The following TBCK variants were observed in gnomAD, a reference collection of about 807,000 sequenced individuals.
TBCK encodes the protein TBC domain-containing protein kinase-like protein.
In TBCK, 99 loss-of-function variants were observed where a neutral mutation model predicts 113.4. That is an observed-to-expected ratio of 0.87 (90% confidence interval 0.74 to 1.03). The LOEUF is 1.03. Ranked by LOEUF, TBCK falls within the 50% of genes least tolerant of loss-of-function variation. TBCK has a pLI of 0.00. For synonymous variants in TBCK, 369 were observed against 370.8 expected, an observed-to-expected ratio of 1.00 and a Z score of 0.05; for missense variants, 1,045 against 1,061.3, an observed-to-expected ratio of 0.98 and a Z score of 0.21.
intron 25 of TBCK, among the ~76,000 whole-genome samples, chr4:106,050,866 T>C (rs764473358): frequency 7.4e-4 from 113 of 152,112 alleles, no homozygotes; most frequent in Admixed American, 1.5e-3. Flanking sequence ...AAAGCTTTTG[T>C]ATTTTCACAG....
intron 1 of TBCK, among the ~76,000 whole-genome samples, chr4:106,315,188 C>G (rs2125912324): frequency 6.6e-6 from 1 of 152,204 alleles, no homozygotes; most frequent in South Asian, 2.1e-4. Flanking sequence ...GCAGTGCAAG[C>G]AGTTGGGCTT....
At chr4:106,235,229 G>T in intron 15 of TBCK, 40 bp downstream of exon 15, 3 of 1,370,282 alleles carry the variant, frequency 2.2e-6, no homozygotes, top group Admixed American at 2.2e-5. Context: ...TCCTTTCTTT[G>T]CATAATTAAT....
At chr4:106,240,337 C>T (rs1022226705) in intron 12 of TBCK, among the ~76,000 whole-genome samples, 19 of 151,614 alleles carry the variant, frequency 1.3e-4, no homozygotes, top group African/African-American at 4.1e-4. Context: ...GCGTTATAGA[C>T]GCTCAGCAAA....
At chr4:106,097,042 A>G (rs1466767078) in intron 24 of TBCK, among the ~76,000 whole-genome samples, 3 of 152,206 alleles carry the variant, frequency 2.0e-5, no homozygotes, top group African/African-American at 7.2e-5. Flanking sequence ...TAGGCTCGAT[A>G]TCACCTATTT....
chr4:106,227,927 C>T (rs1457981583), intron 19 of TBCK, among the ~76,000 whole-genome samples: 1 of 151,884 alleles, frequency 6.6e-6, no homozygotes, highest in Admixed American at 6.6e-5. Context: ...AATAATAGCA[C>T]TTATTGAATA....
intron 2 of TBCK, among the ~76,000 whole-genome samples, chr4:106,306,918 A>T (rs1439015779): frequency 6.6e-6 from 1 of 152,180 alleles, no homozygotes; most frequent in East Asian, 1.9e-4. Flanking sequence ...AATAATGTAT[A>T]CTTTAACATG....
chr4:106,095,944 A>G (rs1259102808), intron 24 of TBCK, among the ~76,000 whole-genome samples: 1 of 152,186 alleles, frequency 6.6e-6, no homozygotes, highest in East Asian at 1.9e-4. Context: ...AGGTTCTATA[A>G]AGAGTGGAGA....
chr4:106,189,387 A>C (rs1448607772), intron 22 of TBCK, among the ~76,000 whole-genome samples: 1 of 151,612 alleles, frequency 6.6e-6, no homozygotes, highest in Admixed American at 6.6e-5. Context: ...GACATGCATG[A>C]ATATCATGTA....
intron 22 of TBCK, among the ~76,000 whole-genome samples, chr4:106,172,108 A>G (rs564883203): frequency 6.6e-6 from 1 of 152,262 alleles, no homozygotes; most frequent in Admixed American, 6.5e-5. Context: ...CTAGGGTTAC[A>G]GGGATCATCC....
chr4:106,119,023 T>C (rs1201339070), intron 23 of TBCK, among the ~76,000 whole-genome samples: 1 of 152,214 alleles, frequency 6.6e-6, no homozygotes, highest in Non-Finnish European at 1.5e-5. Flanking sequence ...CTTTGCTTTA[T>C]GAAGAAAATA....
chr4:106,091,842 T>C (rs1246175495), intron 25 of TBCK, among the ~76,000 whole-genome samples: 1 of 152,228 alleles, frequency 6.6e-6, no homozygotes, highest in Non-Finnish European at 1.5e-5. Flanking sequence ...TTCTCTTATC[T>C]GGCCCCAACC....
At chr4:106,196,616 T>C (rs1754271466) in intron 20 of TBCK, among the ~76,000 whole-genome samples, 1 of 152,050 alleles carries the variant, frequency 6.6e-6, no homozygotes, top group South Asian at 2.1e-4. Flanking sequence ...TCATTTTTTA[T>C]AGGCTGACAT....
chr4:106,276,378 C>T (rs569497977), intron 3 of TBCK, among the ~76,000 whole-genome samples: 11 of 152,134 alleles, frequency 7.2e-5, no homozygotes, highest in Non-Finnish European at 1.6e-4. Context: ...AAAGCAGTAA[C>T]CACAGAAGAA....
At chr4:106,229,105 TC>T (rs1758563805) in intron 19 of TBCK, among the ~76,000 whole-genome samples, 1 of 152,034 alleles carries the variant, frequency 6.6e-6, no homozygotes, top group Non-Finnish European at 1.5e-5. Context: ...AGATTTTTTT[TC>T]TATAGAGTTA....
At chr4:106,207,790 C>T (rs1362349578) in intron 20 of TBCK, among the ~76,000 whole-genome samples, 3 of 152,142 alleles carry the variant, frequency 2.0e-5, no homozygotes, top group Non-Finnish European at 4.4e-5. Flanking sequence ...TTCCTATTAA[C>T]ATTTTAGCTT....
chr4:106,109,935 C>T (rs1303822157), intron 24 of TBCK, among the ~76,000 whole-genome samples: 1 of 152,178 alleles, frequency 6.6e-6, no homozygotes, highest in Non-Finnish European at 1.5e-5. Context: ...AAGCATTTGG[C>T]TGAAGGCAGC....
chr4:106,314,623 T>G (rs1021911411), intron 1 of TBCK, among the ~76,000 whole-genome samples: 7 of 136,914 alleles, frequency 5.1e-5, no homozygotes, highest in Admixed American at 3.6e-4. Context: ...TTGATTTTTT[T>G]TTTTTTTTTT....
At chr4:106,271,448 A>G (rs1346809579) in intron 3 of TBCK, among the ~76,000 whole-genome samples, 8 of 152,128 alleles carry the variant, frequency 5.3e-5, no homozygotes, top group African/African-American at 1.9e-4. Flanking sequence ...TAGCTAATTT[A>G]GCTCAAATAC....
chr4:106,159,395 C>T (rs66911869), intron 23 of TBCK, among the ~76,000 whole-genome samples: 31,398 of 151,926 alleles, frequency 0.21, 3,991 homozygotes, highest in Non-Finnish European at 0.29. Flanking sequence ...CTAAACATTA[C>T]ACAAAACACT....
Sources: gnomAD v4.1 joint callset for allele counts (sites outside exome capture counted in the v4.1 genomes callset) on GRCh38, gnomAD v4.1.1 for gene constraint, MANE v1.5 for transcripts, NCBI Gene and HGNC (gene_info 2026-07-23, HGNC 2026-07-21) for gene names.